The following MCC variants were observed in gnomAD, a reference collection of about 807,000 sequenced individuals.
MCC encodes the protein colorectal mutant cancer protein.
A neutral mutation model predicts 116.2 loss-of-function variants in MCC; 90 were observed. The observed-to-expected ratio is 0.77, with a 90% CI of 0.65 to 0.92. MCC has a LOEUF of 0.92. MCC is among the 40% of genes least tolerant of loss of function. The probability of loss-of-function intolerance (pLI) is 0.00; values close to 1 mark genes in which losing one functional copy is unlikely to be tolerated. For synonymous variants in MCC, 578 were observed against 510.5 expected, an observed-to-expected ratio of 1.13 and a Z score of -1.78; for missense variants, 1,516 against 1,312.2, an observed-to-expected ratio of 1.16 and a Z score of -2.40.
chr5:113,034,441 G>A (rs1751182754), intron 17 of MCC, among the ~76,000 whole-genome samples: 1 of 152,150 alleles, frequency 6.6e-6, no homozygotes, highest in South Asian at 2.1e-4. Context: ...AAATAAAAAG[G>A]CCAGCAGCGG....
intron 15 of MCC, among the ~76,000 whole-genome samples, chr5:113,052,270 T>C (rs747690996): frequency 5.9e-5 from 9 of 152,162 alleles, no homozygotes; most frequent in African/African-American, 9.7e-5. Context: ...GGTGGCCTCA[T>C]AGCTCGTGCC....
At chr5:113,389,027 T>G (rs1769340711) in intron 1 of MCC, among the ~76,000 whole-genome samples, 1 of 152,192 alleles carries the variant, frequency 6.6e-6, no homozygotes. Context: ...CGCTTTTATA[T>G]CAAACCAGAA....
chr5:113,468,969 T>C (rs536658980), intron 1 of MCC, among the ~76,000 whole-genome samples: 12 of 152,354 alleles, frequency 7.9e-5, no homozygotes, highest in Admixed American at 1.3e-4. Context: ...TTTATTTGCA[T>C]AGAGGTGTTT....
At position 113,111,273 on chromosome 5, in the gene MCC, T is replaced by C. The variant is rs142661310; in HGVS notation, c.1028-6918A>G. 4.2e-3 allele frequency among the ~76,000 whole-genome samples: 633 copies of C among 152,318 alleles called. 9 individuals are homozygous for C. Among genetic ancestry groups the C allele is most frequent in the African/African-American group, 0.015 (606 of 41,572 alleles). ...CCACTGTCTGTGTGGAGTTTGTACA[T>C]TGTCCCCTCCCCATGGCTGTGTGGT... On this transcript the variant is annotated intron_variant, in intron 6 of 18. Transcript: ENST00000408903.
intron 3 of MCC, among the ~76,000 whole-genome samples, chr5:113,297,111 C>T (rs1024735878): frequency 1.3e-5 from 2 of 152,190 alleles, no homozygotes; most frequent in African/African-American, 4.8e-5. Flanking sequence ...TCAACTCCAC[C>T]ACAATCTGGC....
intron 9 of MCC, 102 bp from the exon 10 acceptor site, chr5:113,084,292 A>G: frequency 1.1e-6 from 1 of 885,674 alleles, no homozygotes; most frequent in Non-Finnish European, 1.8e-6. Flanking sequence ...CATGTCAACT[A>G]AATGATTAAA....
chr5:113,278,079 A>T (rs1345667580), intron 3 of MCC, among the ~76,000 whole-genome samples: 1 of 152,156 alleles, frequency 6.6e-6, no homozygotes, highest in Non-Finnish European at 1.5e-5. Flanking sequence ...CCTGCAACCT[A>T]CCAAGCCATC....
intron 17 of MCC, among the ~76,000 whole-genome samples, chr5:113,033,004 C>T (rs1011837496): frequency 3.9e-5 from 6 of 152,244 alleles, no homozygotes; most frequent in African/African-American, 1.4e-4. Context: ...GGGCAACCAG[C>T]AGCCCCCAAG....
intron 14 of MCC, among the ~76,000 whole-genome samples, chr5:113,063,199 C>G (rs993510808): frequency 6.6e-6 from 1 of 152,168 alleles, no homozygotes; most frequent in Admixed American, 6.5e-5. Context: ...GTCTTCTAAA[C>G]TGAGGACTGG....
intron 2 of MCC, among the ~76,000 whole-genome samples, chr5:113,370,194 C>A (rs1768803011): frequency 6.6e-6 from 1 of 152,122 alleles, no homozygotes; most frequent in Non-Finnish European, 1.5e-5. Context: ...GTAGCAGAAC[C>A]CTCATAATCC....
chr5:113,095,916 G>T (rs938754136), intron 8 of MCC, among the ~76,000 whole-genome samples: 4 of 152,194 alleles, frequency 2.6e-5, no homozygotes, highest in African/African-American at 9.7e-5. Context: ...GCTTGCACTG[G>T]TAAGTGGCTC....
intron 2 of MCC, among the ~76,000 whole-genome samples, chr5:113,366,315 C>T (rs915585688): frequency 1.3e-5 from 2 of 151,726 alleles, no homozygotes; most frequent in African/African-American, 4.8e-5. Context: ...TAAATGAAAT[C>T]TTAGTAGGTT....
chr5:113,240,469 C>T (rs1207579666), intron 3 of MCC, among the ~76,000 whole-genome samples: 1 of 152,164 alleles, frequency 6.6e-6, no homozygotes. Context: ...ACTATGTTTA[C>T]ATCTTTCAAC....
intron 3 of MCC, among the ~76,000 whole-genome samples, chr5:113,189,185 C>T (rs918503574): frequency 1.3e-5 from 2 of 152,150 alleles, no homozygotes; most frequent in Non-Finnish European, 2.9e-5. Context: ...AGCGGCTGCC[C>T]TCACCTTGCC....
chr5:113,143,482 G>A, intron 4 of MCC, 122 bp from the exon 5 acceptor site: 1 of 1,021,914 alleles, frequency 9.8e-7, no homozygotes, highest in Non-Finnish European at 1.4e-6. Context: ...CAAATAAAAT[G>A]TATGTCAGCT....
chr5:113,104,431 T>C (rs984346880), intron 6 of MCC, 76 bp from the exon 7 acceptor site: 7 of 1,365,284 alleles, frequency 5.1e-6, no homozygotes, highest in South Asian at 2.8e-5. Context: ...GAGGGACTCA[T>C]TCAGGTAATG....
At chr5:113,119,034 G>T (rs1328283867) in intron 6 of MCC, among the ~76,000 whole-genome samples, 1 of 152,216 alleles carries the variant, frequency 6.6e-6, no homozygotes, top group African/African-American at 2.4e-5. Flanking sequence ...GCCTGCTATG[G>T]AGTCCTAACT....
chr5:113,366,400 T>C (rs1768689416), intron 2 of MCC, among the ~76,000 whole-genome samples: 1 of 152,178 alleles, frequency 6.6e-6, no homozygotes, highest in African/African-American at 2.4e-5. Flanking sequence ...GAATTGCCCA[T>C]ATTCTCTGGA....
intron 1 of MCC, among the ~76,000 whole-genome samples, chr5:113,391,026 G>T (rs1769387745): frequency 6.6e-6 from 1 of 152,106 alleles, no homozygotes; most frequent in Admixed American, 6.6e-5. Context: ...GGCTATAGTT[G>T]GTAATTTCTG....
Sources: allele counts gnomAD v4.1 joint callset (sites outside exome capture counted in the v4.1 genomes callset), GRCh38; gene constraint gnomAD v4.1.1; transcripts MANE v1.5; gene names NCBI Gene and HGNC (gene_info 2026-07-23, HGNC 2026-07-21).